FNDC1: variants seen among roughly 807,000 people sequenced by gnomAD.
FNDC1 encodes the protein fibronectin type III domain-containing protein 1.
In FNDC1, 96 loss-of-function variants were observed where a neutral mutation model predicts 168.0. The ratio of observed to expected loss-of-function variants is 0.57; its 90% CI spans 0.48 to 0.68. The LOEUF (loss-of-function observed/expected upper bound fraction) is 0.68. FNDC1 is among the 30% of genes least tolerant of loss of function. The pLI, the probability that FNDC1 is intolerant of heterozygous loss-of-function variation, is 0.00. For synonymous variants in FNDC1, 1,099 were observed against 1,025.9 expected (o/e 1.07, Z -1.36); for missense variants, 2,587 against 2,482.1 (o/e 1.04, Z -0.90).
chr6:159,241,272 G>A (rs550042397), intron 14 of FNDC1: 1 of 152,134 alleles, frequency 6.6e-6, no homozygotes, highest in Admixed American at 6.5e-5. Flanking sequence ...ATTAGTAATT[G>A]GTCGTAAACA....
intron 1 of FNDC1, among the ~76,000 whole-genome samples, chr6:159,187,145 C>T (rs1782019738): frequency 6.6e-6 from 1 of 152,184 alleles, no homozygotes; most frequent in Non-Finnish European, 1.5e-5. Flanking sequence ...CTCACTCCAC[C>T]AGTGTCCACC....
At chr6:159,200,940 A>G (rs1386050754) in intron 4 of FNDC1, among the ~76,000 whole-genome samples, 2 of 152,260 alleles carry the variant, frequency 1.3e-5, no homozygotes, top group Non-Finnish European at 2.9e-5. Context: ...GGTCCCCCCA[A>G]AATAGTGGCT....
chr6:159,241,044 C>G (rs1187619267), intron 14 of FNDC1: 7 of 152,016 alleles, frequency 4.6e-5, no homozygotes, highest in South Asian at 2.1e-4. Flanking sequence ...GAAAAAGTTA[C>G]AAATAAACAG....
At chr6:159,185,153 C>T (rs1781969581) in intron 1 of FNDC1, among the ~76,000 whole-genome samples, 1 of 151,710 alleles carries the variant, frequency 6.6e-6, no homozygotes, top group African/African-American at 2.4e-5. Flanking sequence ...AACTTTAAAA[C>T]CTCAAATCCT....
chr6:159,222,320 A>G (rs566608069), intron 6 of FNDC1, among the ~76,000 whole-genome samples: 12 of 152,340 alleles, frequency 7.9e-5, no homozygotes, highest in African/African-American at 2.6e-4. Context: ...ATAAAATGAA[A>G]GTTATACTTT....
chr6:159,260,837 G>A lies in FNDC1; in HGVS notation c.5175-353G>A, dbSNP rs563960561. 2.0e-5 allele frequency among the ~76,000 whole-genome samples: 3 copies of A among 152,366 alleles called. No homozygotes were observed. The South Asian group carries it at 6.2e-4, about 32-fold the overall frequency. ...AGTCCAGAGTCTTAAACCTGAGCAA[G>A]AGCAGGGCTAGAGGAACGTCTCACC... On this transcript the variant is annotated intron_variant, in intron 18 of 22. Coordinates refer to ENST00000297267, the MANE Select transcript of FNDC1 (RefSeq NM_032532.3).
Position 159,227,638 on chromosome 6 carries a change from T to C in FNDC1, c.1180+1058T>C, listed in dbSNP as rs1457817118. Reference sequence around the variant, plus strand: ...TTTTAAAGAATAGATTGTACTATTCTTCTTTCTCTTTTTTTTTTTTTTTGC... The same window carrying C: ...TTTTAAAGAATAGATTGTACTATTCCTCTTTCTCTTTTTTTTTTTTTTTGC... On this transcript the variant is annotated intron_variant, in intron 9 of 22. Transcript: ENST00000297267. Among the ~76,000 whole-genome samples, 15 of 128,420 alleles carry C rather than the reference T, an allele frequency of 1.2e-4. No homozygotes were observed. The East Asian group carries it at 4.3e-3, about 37-fold the overall frequency. 84.2% of individuals were successfully genotyped at this position (128,420 alleles called of 152,430 possible).
intron 18 of FNDC1, among the ~76,000 whole-genome samples, chr6:159,256,910 G>A (rs1474778775): frequency 1.3e-5 from 2 of 152,210 alleles, no homozygotes; most frequent in Admixed American, 6.5e-5. Context: ...TGTTATCTGT[G>A]TTGAAAGAAT....
At chr6:159,249,605 T>C (rs1777215494) in intron 16 of FNDC1, among the ~76,000 whole-genome samples, 1 of 152,222 alleles carries the variant, frequency 6.6e-6, no homozygotes, top group Non-Finnish European at 1.5e-5. Context: ...GCCTATAATG[T>C]CATGAAGGGG....
At chr6:159,219,075 C>A (rs1428670420) in intron 5 of FNDC1, among the ~76,000 whole-genome samples, 1 of 150,112 alleles carries the variant, frequency 6.7e-6, no homozygotes, top group Non-Finnish European at 1.5e-5. Flanking sequence ...GGGTCTTGCT[C>A]TGTCACCCAG....
At chr6:159,195,875 G>A (rs544214198) in intron 1 of FNDC1, among the ~76,000 whole-genome samples, 13 of 152,262 alleles carry the variant, frequency 8.5e-5, no homozygotes, top group African/African-American at 2.6e-4. Context: ...AGAAAAGTGC[G>A]ATATGTATAT....
intron 1 of FNDC1, among the ~76,000 whole-genome samples, chr6:159,196,404 G>A (rs1782241232): frequency 6.6e-6 from 1 of 152,178 alleles, no homozygotes; most frequent in Non-Finnish European, 1.5e-5. Context: ...GGAGTGATGT[G>A]TGTTAGAATT....
intron 7 of FNDC1, among the ~76,000 whole-genome samples, chr6:159,224,705 T>C (rs879497170): frequency 6.6e-6 from 1 of 152,224 alleles, no homozygotes; most frequent in Non-Finnish European, 1.5e-5. Flanking sequence ...TTAGCAGAAC[T>C]GTTGTGTTAA....
chr6:159,251,479 A>T lies in FNDC1; in HGVS notation c.5012A>T (p.His1671Leu), dbSNP rs200171920. The change falls in exon 17 of 23, where the codon CAC becomes CTC. Residue 1671 changes from histidine (H) to leucine (L), a missense_variant. By Grantham distance (99) the His-to-Leu change is moderately conservative (BLOSUM62 -3). Transcript: ENST00000297267. ...ACCGTGGTGGCCGTGGAAGGTTGCC[A>T]CTCATTTGTCATTGTGGACTGGGAC... The part of the protein sequence containing the change: ...NITVVAVEGC[H>L]SFVIVDWDKA... The T allele has an allele frequency of 7.4e-4, 1,191 of 1,613,834 alleles. 1 individual carries two copies. The highest frequency in any genetic ancestry group is 9.5e-4 in the Non-Finnish European group (1,125 of 1,179,862).
chr6:159,182,118 A>G (rs1781893091), intron 1 of FNDC1, among the ~76,000 whole-genome samples: 1 of 152,074 alleles, frequency 6.6e-6, no homozygotes, highest in Non-Finnish European at 1.5e-5. Flanking sequence ...GGGTGATCTT[A>G]TTTTCACAGC....
chr6:159,221,087 A>G (rs1451227735), intron 5 of FNDC1, among the ~76,000 whole-genome samples: 1 of 152,238 alleles, frequency 6.6e-6, no homozygotes, highest in Non-Finnish European at 1.5e-5. Context: ...TGAGGATTTT[A>G]GTTTTGAAGG....
chr6:159,254,574 G>A (rs1054309505), intron 17 of FNDC1, among the ~76,000 whole-genome samples: 4 of 152,028 alleles, frequency 2.6e-5, no homozygotes, highest in Admixed American at 6.6e-5. Context: ...TGGGCGTGGT[G>A]GTGGGTGCCT....
At position 159,221,599 on chromosome 6, in the gene FNDC1, C is replaced by A; in HGVS notation, c.669C>A (p.Ala223=). The part of the protein sequence containing the change: ...DERTHEIKKL[A]SESVYVVSLQ... The stretch of plus-strand genomic sequence containing the variant: ...CATCCCTCACTCCCTGGTCCACAGC[C>A]TCGGAATCCGTGTATGTGGTCTCCC... The change falls in exon 6 of 23, where the codon GCC becomes GCA. Residue 223 remains alanine (A), a splice_region_variant and synonymous_variant. Transcript: ENST00000297267. 1 of 1,613,656 alleles carries A rather than the reference C, an allele frequency of 6.2e-7. No homozygotes were observed. The highest frequency in any genetic ancestry group is 8.5e-7 in the Non-Finnish European group (1 of 1,179,564).
At chr6:159,229,631 GC>G (rs1414780969) in intron 9 of FNDC1, among the ~76,000 whole-genome samples, 183 bp from the exon 10 acceptor site, 1 of 152,196 alleles carries the variant, frequency 6.6e-6, no homozygotes, top group African/African-American at 2.4e-5. Context: ...CTGTGTGGTT[GC>G]CCGAATGAAT....
Sources: gnomAD v4.1 joint callset for allele counts (sites outside exome capture counted in the v4.1 genomes callset) on GRCh38, gnomAD v4.1.1 for gene constraint, MANE v1.5 for transcripts, NCBI Gene and HGNC (gene_info 2026-07-23, HGNC 2026-07-21) for gene names.